The following NAV2 variants were observed in gnomAD, a reference collection of about 807,000 sequenced individuals.
NAV2 encodes helicase, APC down-regulated 1.
NAV2 carries 54 observed loss-of-function variants against 223.2 expected under a neutral mutation model. The ratio of observed to expected loss-of-function variants is 0.24; its 90% CI spans 0.19 to 0.30. NAV2 has a LOEUF of 0.30. Ranked by LOEUF, NAV2 falls within the 10% of genes least tolerant of loss-of-function variation. The pLI, the probability that NAV2 is intolerant of heterozygous loss-of-function variation, is 1.00. For synonymous variants in NAV2, 1,279 were observed against 1,239.3 expected (o/e 1.03, Z -0.67); for missense variants, 2,806 against 3,147.5 (o/e 0.89, Z 2.60).
chr11:19,618,593 A>T (rs142958618), intron 1 of NAV2, among the ~76,000 whole-genome samples: 147 of 152,260 alleles, frequency 9.7e-4, no homozygotes, highest in African/African-American at 3.4e-3. Flanking sequence ...CAATGGGAAC[A>T]GTCTGAGTCT....
chr11:19,349,321 C>T (rs1853163813), upstream of NAV2, among the ~76,000 whole-genome samples: 1 of 152,170 alleles, frequency 6.6e-6, no homozygotes, highest in African/African-American at 2.4e-5. Flanking sequence ...ATCTGCTAGT[C>T]CTTCTCCTCC....
intron 7 of NAV2, among the ~76,000 whole-genome samples, chr11:19,936,504 G>A (rs927702702): frequency 3.3e-5 from 5 of 152,180 alleles, no homozygotes; most frequent in Non-Finnish European, 2.9e-5. Flanking sequence ...GACTAGCCCC[G>A]TTTTTACGTT....
intron 1 of NAV2, among the ~76,000 whole-genome samples, chr11:19,611,191 A>C (rs1304963887): frequency 6.6e-6 from 1 of 151,262 alleles, no homozygotes; most frequent in Non-Finnish European, 1.5e-5. Flanking sequence ...TATCATGAGA[A>C]TAGCATGGGA....
At chr11:19,647,370 C>A (rs187390283) in intron 1 of NAV2, among the ~76,000 whole-genome samples, 12 of 152,238 alleles carry the variant, frequency 7.9e-5, no homozygotes, top group Non-Finnish European at 1.5e-5. Flanking sequence ...AATGTCCCGG[C>A]TTTTCTGATC....
At chr11:20,075,225 T>G (rs1424071329) in intron 22 of NAV2, among the ~76,000 whole-genome samples, 1 of 141,968 alleles carries the variant, frequency 7.0e-6, no homozygotes, top group Non-Finnish European at 1.5e-5. Flanking sequence ...TTGTTTTGTT[T>G]TTTTTTTTTT....
chr11:20,101,743 CA>C (rs1381006279), intron 32 of NAV2, among the ~76,000 whole-genome samples: 1 of 152,144 alleles, frequency 6.6e-6, no homozygotes, highest in Non-Finnish European at 1.5e-5. Context: ...GCCCTGTGGC[CA>C]GCAAATAGAT....
At chr11:20,087,593 G>A (rs1015154764) in intron 26 of NAV2, among the ~76,000 whole-genome samples, 3 of 152,192 alleles carry the variant, frequency 2.0e-5, no homozygotes, top group Non-Finnish European at 4.4e-5. Flanking sequence ...CACCAGCCCT[G>A]ACTGTGGACA....
chr11:19,818,018 C>G (rs2059185956), intron 1 of NAV2, among the ~76,000 whole-genome samples: 1 of 152,114 alleles, frequency 6.6e-6, no homozygotes, highest in Admixed American at 6.5e-5. Flanking sequence ...CTTTGCACCC[C>G]ACAGGCTTCC....
At chr11:19,885,918 T>C (rs1321680477) in intron 5 of NAV2, among the ~76,000 whole-genome samples, 1 of 152,216 alleles carries the variant, frequency 6.6e-6, no homozygotes, top group Non-Finnish European at 1.5e-5. Flanking sequence ...TTTCTTTTTT[T>C]AGACAGGGTC....
intron 1 of NAV2, among the ~76,000 whole-genome samples, chr11:19,605,073 C>T (rs2046442542): frequency 6.6e-6 from 1 of 152,106 alleles, no homozygotes; most frequent in African/African-American, 2.4e-5. Context: ...GTTAACTTAC[C>T]CAAGGCCTCC....
intron 1 of NAV2, among the ~76,000 whole-genome samples, chr11:19,570,077 T>C (rs777570235): frequency 1.3e-5 from 2 of 152,186 alleles, no homozygotes; most frequent in South Asian, 4.1e-4. Context: ...AGCATTTTGT[T>C]TGTGGAATCA....
chr11:19,735,409 C>A (rs1001374721), intron 1 of NAV2, among the ~76,000 whole-genome samples: 7 of 152,194 alleles, frequency 4.6e-5, no homozygotes, highest in Admixed American at 1.3e-4. Context: ...CTTTTCAGCC[C>A]CCAAAGATCT....
chr11:19,496,468 T>G (rs1300056611), intron 1 of NAV2, among the ~76,000 whole-genome samples: 1 of 152,236 alleles, frequency 6.6e-6, no homozygotes, highest in Non-Finnish European at 1.5e-5. Flanking sequence ...TTAGTGCTGA[T>G]TGCAAGAGAA....
chr11:19,725,893 T>G (rs2051193283), intron 1 of NAV2, among the ~76,000 whole-genome samples: 1 of 152,220 alleles, frequency 6.6e-6, no homozygotes, highest in Admixed American at 6.5e-5. Context: ...TACATTCCAT[T>G]GCTGTTTTTA....
intron 1 of NAV2, among the ~76,000 whole-genome samples, chr11:19,737,925 C>T (rs565331326): frequency 1.3e-5 from 2 of 152,226 alleles, no homozygotes; most frequent in South Asian, 4.2e-4. Flanking sequence ...GAAGAGGGGA[C>T]CAAAAAATCT....
intron 1 of NAV2, chr11:19,503,070 A>G (rs2043009649): frequency 6.6e-6 from 1 of 152,250 alleles, no homozygotes; most frequent in African/African-American, 2.4e-5. Flanking sequence ...GTGTGGACAC[A>G]AAGTACTGTG....
At chr11:19,958,656 C>T (rs2048092672) in intron 10 of NAV2, among the ~76,000 whole-genome samples, 1 of 152,214 alleles carries the variant, frequency 6.6e-6, no homozygotes, top group African/African-American at 2.4e-5. Context: ...CAGTGCCTGG[C>T]ATGCATGCTT....
At chr11:20,075,738 A>T (rs1433090296) in intron 22 of NAV2, among the ~76,000 whole-genome samples, 1 of 151,956 alleles carries the variant, frequency 6.6e-6, no homozygotes. Context: ...TTGAAATGTC[A>T]CTGTGCCTCC....
At chr11:20,048,650 C>G in intron 14 of NAV2, 78 bp from the exon 15 acceptor site, 1 of 1,236,528 alleles carries the variant, frequency 8.1e-7, no homozygotes, top group Non-Finnish European at 1.2e-6. Flanking sequence ...ACCAACTCCT[C>G]TGCCCTACCC....
Sources: gnomAD v4.1 joint callset for allele counts (sites outside exome capture counted in the v4.1 genomes callset) on GRCh38, gnomAD v4.1.1 for gene constraint, MANE v1.5 for transcripts, NCBI Gene and HGNC (gene_info 2026-07-23, HGNC 2026-07-21) for gene names.